The following CMC2 variants were observed in gnomAD, a reference collection of about 807,000 sequenced individuals.
CMC2 encodes C-X9-C motif containing 2.
CMC2 carries 5 observed loss-of-function variants against 7.5 expected under a neutral mutation model. The ratio of observed to expected loss-of-function variants is 0.66; its 90% CI spans 0.35 to 1.40. CMC2 has a LOEUF of 1.40. Ranked by LOEUF, CMC2 falls within the 40% of genes most tolerant of loss-of-function variation. The pLI is 0.04. For missense variants in CMC2, 115 were observed against 92.3 expected, an observed-to-expected ratio of 1.25 and a Z score of -1.01; for synonymous variants, 37 against 31.4, an observed-to-expected ratio of 1.18 and a Z score of -0.60.
intron 1 of CMC2, among the ~76,000 whole-genome samples, chr16:81,003,867 C>G (rs1969039429): frequency 6.6e-6 from 1 of 152,208 alleles, no homozygotes; most frequent in Admixed American, 6.5e-5. Flanking sequence ...ACCTAAGTCT[C>G]TCTTCCATAA....
intron 1 of CMC2, among the ~76,000 whole-genome samples, chr16:80,999,839 C>T (rs1968726410): frequency 6.6e-6 from 1 of 152,164 alleles, no homozygotes; most frequent in Non-Finnish European, 1.5e-5. Context: ...GGATAGTTGG[C>T]TAGCTATATG....
chr16:80,997,090 C>G (rs1307786024), intron 2 of CMC2: 1 of 563,294 alleles, frequency 1.8e-6, no homozygotes, highest in African/African-American at 1.9e-5. Flanking sequence ...CCAGTTCAGA[C>G]GTTCCCTAAC....
chr16:80,990,317 T>G (rs1403724640), intron 2 of CMC2, among the ~76,000 whole-genome samples: 1 of 151,908 alleles, frequency 6.6e-6, no homozygotes, highest in African/African-American at 2.4e-5. Context: ...ATTACAGGGG[T>G]CCGCCACCAC....
intron 2 of CMC2, chr16:80,988,478 A>C (rs1244006582): frequency 1.5e-6 from 1 of 680,950 alleles, no homozygotes; most frequent in Non-Finnish European, 2.6e-6. Context: ...TTCCAAGAAC[A>C]GTACAAAGAA....
At chr16:80,989,291 CTCTTA>C (rs1967788359) in intron 2 of CMC2, among the ~76,000 whole-genome samples, 1 of 152,160 alleles carries the variant, frequency 6.6e-6, no homozygotes, top group Non-Finnish European at 1.5e-5. Context: ...TCTAGCACTC[CTCTTA>C]TATTTTAGTT....
At chr16:80,996,272 C>G (rs1422378010) in intron 2 of CMC2, among the ~76,000 whole-genome samples, 1 of 152,216 alleles carries the variant, frequency 6.6e-6, no homozygotes, top group East Asian at 1.9e-4. Flanking sequence ...TCCACAGAGT[C>G]TCTTTCTCTC....
At chr16:80,985,730 G>A (rs964622816) in intron 2 of CMC2, among the ~76,000 whole-genome samples, 3 of 151,942 alleles carry the variant, frequency 2.0e-5, no homozygotes, top group African/African-American at 7.3e-5. Context: ...TGCACCAGGA[G>A]AATCTAGGCC....
chr16:80,993,974 C>T (rs1055021237), intron 2 of CMC2, among the ~76,000 whole-genome samples: 2 of 152,130 alleles, frequency 1.3e-5, no homozygotes, highest in Non-Finnish European at 2.9e-5. Context: ...ATTAAGACAG[C>T]ATGGTACTGG....
chr16:81,002,640 G>A (rs1968953080), intron 1 of CMC2, among the ~76,000 whole-genome samples: 1 of 152,122 alleles, frequency 6.6e-6, no homozygotes, highest in Non-Finnish European at 1.5e-5. Context: ...AATATTAATA[G>A]ATGCAAAGAT....
intron 3 of CMC2, among the ~76,000 whole-genome samples, chr16:80,979,280 A>G (rs1273234827): frequency 2.0e-5 from 3 of 152,176 alleles, no homozygotes; most frequent in African/African-American, 7.2e-5. Flanking sequence ...TTAGAGAATA[A>G]AGTAACATAA....
At position 80,974,464 on chromosome 16, in the gene CMC2, T is replaced by C. The variant is rs16944345; in HGVS notation, c.*1629A>G. ...GGTCATCACAGCACTGAAAATAAAATTCCAACAGATTTCAAAGCTGTCTAT... is the reference window on the plus strand; with the variant it reads ...GGTCATCACAGCACTGAAAATAAAACTCCAACAGATTTCAAAGCTGTCTAT... On this transcript the variant is annotated 3_prime_UTR_variant, in exon 4 of 4. Coordinates refer to ENST00000219400, the MANE Select transcript of CMC2 (RefSeq NM_020188.5). 0.25 allele frequency: 37,407 copies of C among 152,086 alleles called. 5,061 individuals carry two copies. The highest frequency in any genetic ancestry group is 0.42 in the East Asian group (2,184 of 5,170). 9.4% of individuals were successfully genotyped at this position (152,086 alleles called of 1,614,324 possible).
chr16:80,986,983 G>C (rs775664292), intron 2 of CMC2, among the ~76,000 whole-genome samples: 1 of 152,192 alleles, frequency 6.6e-6, no homozygotes, highest in Non-Finnish European at 1.5e-5. Context: ...AGGAAAACCA[G>C]GGAAGAGAAA....
chr16:80,984,858 G>C (rs902847819), intron 2 of CMC2, among the ~76,000 whole-genome samples: 2 of 152,116 alleles, frequency 1.3e-5, no homozygotes, highest in Non-Finnish European at 2.9e-5. Context: ...TTATACTCTT[G>C]TGATGTTACA....
At chr16:80,985,254 T>C (rs1447936423) in intron 2 of CMC2, among the ~76,000 whole-genome samples, 1 of 152,172 alleles carries the variant, frequency 6.6e-6, no homozygotes, top group East Asian at 1.9e-4. Context: ...TTCTCAATAA[T>C]ACAAAAACAT....
chr16:80,997,608 T>C (rs981662597), intron 1 of CMC2, 179 bp from the exon 2 acceptor site: 2 of 449,966 alleles, frequency 4.4e-6, no homozygotes, highest in African/African-American at 4.0e-5. Context: ...TGATTTAAGA[T>C]ATTCAGCAAG....
chr16:80,997,125 A>G (rs1968486658), intron 2 of CMC2, 189 bp downstream of exon 2: 2 of 592,382 alleles, frequency 3.4e-6, no homozygotes, highest in Non-Finnish European at 6.1e-6. Context: ...GATTTTTACT[A>G]ATCATAAAAG....
chr16:80,986,293 T>C (rs1597233767), intron 2 of CMC2, among the ~76,000 whole-genome samples: 1 of 152,068 alleles, frequency 6.6e-6, no homozygotes. Context: ...GAAGTTGTAG[T>C]GAGCCAAGAT....
At chr16:80,992,580 A>C (rs2151637706) in intron 2 of CMC2, among the ~76,000 whole-genome samples, 1 of 151,072 alleles carries the variant, frequency 6.6e-6, no homozygotes, top group South Asian at 2.1e-4. Flanking sequence ...TTTAATTTGT[A>C]TTTCTCTAAT....
intron 1 of CMC2, among the ~76,000 whole-genome samples, chr16:81,004,848 A>G (rs1969133088): frequency 6.6e-6 from 1 of 152,238 alleles, no homozygotes; most frequent in Non-Finnish European, 1.5e-5. Context: ...AAATAAACCA[A>G]GAGCCAGCGC....
Sources: gnomAD v4.1 joint callset for allele counts (sites outside exome capture counted in the v4.1 genomes callset) on GRCh38, gnomAD v4.1.1 for gene constraint, MANE v1.5 for transcripts, NCBI Gene and HGNC (gene_info 2026-07-23, HGNC 2026-07-21) for gene names.